Variants in RBKS observed in about 807,000 individuals in gnomAD.
The protein encoded by RBKS is ribokinase.
In RBKS, 33 loss-of-function variants were observed where a neutral mutation model predicts 33.9. That is an observed-to-expected ratio of 0.97 (90% CI 0.74 to 1.30). The LOEUF is 1.30. RBKS is among the 50% of genes most tolerant of loss of function. The pLI, the probability that RBKS is intolerant of heterozygous loss-of-function variation, is 0.00. For synonymous variants in RBKS, 125 were observed against 143.0 expected (o/e 0.87, Z 0.90); for missense variants, 361 against 392.6 (o/e 0.92, Z 0.68).
chr2:27,842,030 A>G (rs1484092737), intron 5 of RBKS, among the ~76,000 whole-genome samples: 1 of 152,164 alleles, frequency 6.6e-6, no homozygotes, highest in Non-Finnish European at 1.5e-5. Flanking sequence ...ATTTTATTTT[A>G]TTCCATCCTG....
intron 1 of RBKS, among the ~76,000 whole-genome samples, chr2:27,872,043 G>A (rs564652307): frequency 1.3e-5 from 2 of 152,316 alleles, no homozygotes; most frequent in East Asian, 1.9e-4. Context: ...CTGACAGGAG[G>A]TGGAGCTTAG....
At chr2:27,799,180 T>C (rs1677726662) in intron 7 of RBKS, among the ~76,000 whole-genome samples, 1 of 152,096 alleles carries the variant, frequency 6.6e-6, no homozygotes, top group Admixed American at 6.5e-5. Flanking sequence ...CAAATTCCAG[T>C]TGATAGAAAA....
rs775986725 is a variant in RBKS at position 27,890,256 on chromosome 2, C to A, written c.89+1G>T. On this transcript the variant is annotated splice_donor_variant, in intron 1 of 7. Coordinates refer to ENST00000302188, the MANE Select transcript of RBKS (RefSeq NM_022128.3). LOFTEE classifies it high-confidence loss of function. The surrounding 1 kb of genome is among the most constrained non-coding windows in gnomAD (Gnocchi z 4.8). ...GACTGAGTAACTGGCCCCGGACTAA[C>A]CTGACCAGGTCGGTCATGCAGGAGC... 1 of 1,613,600 alleles carries A rather than the reference C, an allele frequency of 6.2e-7. No homozygotes were observed. The highest frequency in any genetic ancestry group is 1.7e-5 in the Admixed American group (1 of 60,006).
At position 27,853,143 on chromosome 2, in the gene RBKS, A is replaced by C. The variant is rs981003734; in HGVS notation, c.223-5046T>G. On this transcript the variant is annotated intron_variant, in intron 2 of 7. Coordinates refer to ENST00000302188, the MANE Select transcript of RBKS (RefSeq NM_022128.3). ...CATTTTGGGAGGCTGAGGTGGTAAG[A>C]CTGCTCGAGGACAGGAGTTCGAGAC... Among the ~76,000 whole-genome samples the C allele has an allele frequency of 3.9e-5, 6 of 152,194 alleles. No homozygotes were observed. The South Asian group carries it at 1.2e-3, about 32-fold the overall frequency.
intron 7 of RBKS, among the ~76,000 whole-genome samples, chr2:27,805,880 A>G (rs1436767701): frequency 6.7e-6 from 1 of 149,242 alleles, no homozygotes; most frequent in African/African-American, 2.5e-5. Context: ...CGGCCAAAAA[A>G]TGGATATATT....
chr2:27,813,000 A>C (rs1442116018), intron 7 of RBKS, among the ~76,000 whole-genome samples: 6 of 151,844 alleles, frequency 4.0e-5, no homozygotes, highest in Non-Finnish European at 1.5e-5. Context: ...CAAAGGTTTC[A>C]TAATATAAAG....
intron 7 of RBKS, among the ~76,000 whole-genome samples, chr2:27,787,222 C>T (rs1205097579): frequency 6.6e-6 from 1 of 152,050 alleles, no homozygotes; most frequent in Non-Finnish European, 1.5e-5. Flanking sequence ...TCCCAGCACA[C>T]TGGGAGCAAG....
chr2:27,852,909 G>T (rs1663779914), intron 2 of RBKS, among the ~76,000 whole-genome samples: 1 of 152,176 alleles, frequency 6.6e-6, no homozygotes, highest in African/African-American at 2.4e-5. Context: ...TGCATTTGTT[G>T]TCATACAAAA....
Position 27,828,785 on chromosome 2 carries a change from G to A in RBKS, c.607-1030C>T, listed in dbSNP as rs973784414. ...AGGTTTTCAAGACTTCTAATTGGTTGTTTTTCATATTCACATGTTGTTGCT... is the reference window on the plus strand; with the variant it reads ...AGGTTTTCAAGACTTCTAATTGGTTATTTTTCATATTCACATGTTGTTGCT... On this transcript the variant is annotated intron_variant, in intron 6 of 7. Transcript: ENST00000302188. Among the ~76,000 whole-genome samples, 3 of 151,990 alleles carry A rather than the reference G, an allele frequency of 2.0e-5. No individual in the cohort carries two copies. The South Asian group carries it at 6.2e-4, about 32-fold the overall frequency.
In RBKS at chr2:27,890,326, G is replaced by A. The variant is rs1376770279; in HGVS notation, c.20C>T (p.Pro7Leu). ...CACCTCCTCTTGCCACTGCCTCTGG[G>A]GTTCCCCAGACGCCGCCATCGCTCA... Reference protein sequence around the residue: MAASGEPQRQWQEEVAA... With the variant: MAASGELQRQWQEEVAA... Residue 7 changes from proline to leucine, a missense_variant, in exon 1 of 8, where the codon CCC (proline) becomes CTC (leucine). Physicochemically the swap from Pro to Leu is moderately conservative, Grantham distance 98 (BLOSUM62 -3). Coordinates refer to ENST00000302188, the MANE Select transcript of RBKS (RefSeq NM_022128.3). The surrounding 1 kb of genome is among the most constrained non-coding windows in gnomAD (Gnocchi z 4.8). The A allele has an allele frequency of 1.9e-6, 3 of 1,613,692 alleles. No homozygotes were observed. Among genetic ancestry groups the A allele is most frequent in the Non-Finnish European group, 1.7e-6 (2 of 1,179,992 alleles).
intron 3 of RBKS, 23 bp from the exon 4 acceptor site, chr2:27,847,127 A>C (rs1663637500): frequency 7.3e-7 from 1 of 1,364,458 alleles, no homozygotes; most frequent in African/African-American, 1.4e-5. Context: ...AGAAAATTAC[A>C]ATCACATGTA....
rs149354783 is a variant in RBKS, at chr2:27,890,372, G to T, written c.-27C>A. The T allele has an allele frequency of 8.0e-5, 129 of 1,604,824 alleles. No homozygotes were observed. In the African/African-American group the frequency reaches 1.6e-3, roughly 19 times the overall value. On this transcript the variant is annotated 5_prime_UTR_variant, in exon 1 of 8. Transcript: ENST00000302188. This position sits in a 1 kb window ranked among gnomAD's most constrained non-coding sequence, Gnocchi z 4.8. The stretch of plus-strand genomic sequence containing the variant: ...GCTCAAAGGTGCTGCTGTCCAACCT[G>T]GACGGTGACCTCTGCCCTTTGCCCG...
At chr2:27,802,216 C>T (rs1677810290) in intron 7 of RBKS, among the ~76,000 whole-genome samples, 1 of 151,170 alleles carries the variant, frequency 6.6e-6, no homozygotes, top group African/African-American at 2.4e-5. Context: ...GGTGCTACAC[C>T]ATTCATGAGA....
At chr2:27,814,096 C>G (rs1052885016) in intron 7 of RBKS, among the ~76,000 whole-genome samples, 1 of 151,964 alleles carries the variant, frequency 6.6e-6, no homozygotes, top group Non-Finnish European at 1.5e-5. Flanking sequence ...TGGTGTATGC[C>G]TGTGGTCCCA....
intron 7 of RBKS, among the ~76,000 whole-genome samples, chr2:27,785,378 T>C (rs1677377616): frequency 6.6e-6 from 1 of 152,052 alleles, no homozygotes; most frequent in African/African-American, 2.4e-5. Flanking sequence ...AAATGTAGGA[T>C]AAAAATGAAT....
chr2:27,886,606 G>A (rs1253417564), intron 1 of RBKS, among the ~76,000 whole-genome samples: 2 of 152,142 alleles, frequency 1.3e-5, no homozygotes, highest in African/African-American at 4.8e-5. Flanking sequence ...CAGGCACGGT[G>A]GCTCACGCCT....
chr2:27,783,522 A>G (rs1677328165), intron 7 of RBKS, among the ~76,000 whole-genome samples: 1 of 152,210 alleles, frequency 6.6e-6, no homozygotes, highest in Non-Finnish European at 1.5e-5. Flanking sequence ...AAGTCTGTGG[A>G]CCTGTGCCTT....
intron 1 of RBKS, among the ~76,000 whole-genome samples, chr2:27,877,713 G>A (rs1664340503): frequency 6.6e-6 from 1 of 152,130 alleles, no homozygotes; most frequent in African/African-American, 2.4e-5. Flanking sequence ...TAAAAGATCA[G>A]AGAGTGAATG....
At chr2:27,821,748 A>G (rs1678215279) in intron 7 of RBKS, among the ~76,000 whole-genome samples, 2 of 152,242 alleles carry the variant, frequency 1.3e-5, no homozygotes, top group African/African-American at 4.8e-5. Flanking sequence ...CAATAGAGTA[A>G]GTCTCCTAAA....
Sources: gnomAD v4.1 joint callset for allele counts (sites outside exome capture counted in the v4.1 genomes callset) on GRCh38, gnomAD v4.1.1 for gene constraint, Gnocchi (gnomAD v3.1) non-coding constraint, MANE v1.5 for transcripts, NCBI Gene and HGNC (gene_info 2026-07-23, HGNC 2026-07-21) for gene names.